The following COL9A1 variants were observed in gnomAD, a reference collection of about 807,000 sequenced individuals.
COL9A1 encodes collagen alpha-1(IX) chain.
In COL9A1, 104 loss-of-function variants were observed where a neutral mutation model predicts 142.6. That is an observed-to-expected ratio of 0.73 (90% CI 0.62 to 0.86). The LOEUF is 0.86. Ranked by LOEUF, COL9A1 falls within the 40% of genes least tolerant of loss-of-function variation. The pLI, the probability that COL9A1 is intolerant of heterozygous loss-of-function variation, is 0.00. For missense variants in COL9A1, 1,210 were observed against 1,176.6 expected (o/e 1.03, Z -0.42); for synonymous variants, 466 against 396.0 (o/e 1.18, Z -2.10).
chr6:70,266,716 C>G lies in COL9A1; in HGVS notation c.1341+1G>C. ...ATCCACTAAATACCCATTTTCCTTA[C>G]CTTGTGTCCTTGTCTTCCTGGTTCA... is the stretch of plus-strand genomic sequence containing the variant. On this transcript the variant is annotated splice_donor_variant, in intron 18 of 37. Coordinates refer to ENST00000357250, the MANE Select transcript of COL9A1 (RefSeq NM_001851.6). LOFTEE classifies it high-confidence loss of function. 1 of 1,612,132 alleles carries G rather than the reference C, an allele frequency of 6.2e-7. No individual in the cohort carries two copies. The highest frequency in any genetic ancestry group is 1.1e-5 in the South Asian group (1 of 91,018).
At chr6:70,285,600 T>A (rs1373314161) in intron 5 of COL9A1, among the ~76,000 whole-genome samples, 2 of 152,250 alleles carry the variant, frequency 1.3e-5, no homozygotes, top group East Asian at 3.8e-4. Flanking sequence ...TCAACATTTG[T>A]GATGTCCCAA....
At chr6:70,256,457 AG>A (rs1771303358) in intron 21 of COL9A1, among the ~76,000 whole-genome samples, 1 of 152,204 alleles carries the variant, frequency 6.6e-6, no homozygotes, top group Admixed American at 6.5e-5. Flanking sequence ...CAAATGGGCA[AG>A]AAAGTAGAAA....
At chr6:70,247,355 CAG>C (rs1770670278) in intron 28 of COL9A1, among the ~76,000 whole-genome samples, 1 of 152,154 alleles carries the variant, frequency 6.6e-6, no homozygotes, top group African/African-American at 2.4e-5. Flanking sequence ...CAAAAAATAA[CAG>C]ATTTAACTTA....
chr6:70,302,971 G>T lies in COL9A1; in HGVS notation c.-47C>A, dbSNP rs1426415923. 6.3e-7 allele frequency: 1 copy of T among 1,597,270 alleles called. No homozygotes were observed. Among genetic ancestry groups the T allele is most frequent in the Non-Finnish European group, 8.6e-7 (1 of 1,164,718 alleles). ...TTTGCCAACAGTCCCTATGAAGAAGGGGTTGGAAGGGAGTCACTGTCCCCT... is the reference window on the plus strand; with the variant it reads ...TTTGCCAACAGTCCCTATGAAGAAGTGGTTGGAAGGGAGTCACTGTCCCCT... On this transcript the variant is annotated 5_prime_UTR_variant, in exon 1 of 38. Coordinates refer to ENST00000357250, the MANE Select transcript of COL9A1 (RefSeq NM_001851.6).
chr6:70,283,050 C>A, intron 6 of COL9A1, 132 bp from the exon 7 acceptor site: 2 of 1,571,062 alleles, frequency 1.3e-6, no homozygotes, highest in Non-Finnish European at 8.6e-7. Flanking sequence ...CAGTCCAGGC[C>A]ATGCCCGCCG....
At chr6:70,243,637 C>T (rs945853174) in intron 28 of COL9A1, among the ~76,000 whole-genome samples, 3 of 152,138 alleles carry the variant, frequency 2.0e-5, no homozygotes, top group Admixed American at 2.0e-4. Context: ...AAGTGATTCT[C>T]CTGCCTCAGC....
intron 36 of COL9A1, among the ~76,000 whole-genome samples, chr6:70,230,048 T>C (rs963470693): frequency 1.3e-5 from 2 of 152,188 alleles, no homozygotes; most frequent in Non-Finnish European, 2.9e-5. Flanking sequence ...GCAAGATTCA[T>C]ACCATCCCTT....
chr6:70,226,207 A>G (rs1476941088), intron 36 of COL9A1, among the ~76,000 whole-genome samples, 198 bp from the exon 37 acceptor site: 1 of 152,192 alleles, frequency 6.6e-6, no homozygotes, highest in Non-Finnish European at 1.5e-5. Context: ...TCAAATTATT[A>G]TATTCATAGA....
At chr6:70,229,551 A>G (rs1436028388) in intron 36 of COL9A1, among the ~76,000 whole-genome samples, 3 of 152,204 alleles carry the variant, frequency 2.0e-5, no homozygotes, top group Non-Finnish European at 4.4e-5. Context: ...TGTTAGTCAT[A>G]ATTATGACAT....
In COL9A1 at chr6:70,254,958, C is replaced by A. The variant is rs369698214; in HGVS notation, c.1665+5G>T. The A allele has an allele frequency of 1.0e-4, 163 of 1,613,956 alleles. No individual in the cohort carries two copies. The highest frequency in any genetic ancestry group is 1.2e-4 in the Non-Finnish European group (145 of 1,179,942). On this transcript the variant is annotated splice_donor_5th_base_variant and intron_variant, in intron 24 of 37. Coordinates refer to ENST00000357250, the MANE Select transcript of COL9A1 (RefSeq NM_001851.6). The stretch of plus-strand genomic sequence containing the variant: ...CTCACTCTTGGAGTAAATTACACAG[C>A]CTACCTTTGTTCCAGGCATTCCAGG...
intron 37 of COL9A1, among the ~76,000 whole-genome samples, chr6:70,223,361 T>A (rs1037529850): frequency 2.6e-5 from 4 of 152,224 alleles, no homozygotes; most frequent in African/African-American, 7.2e-5. Flanking sequence ...AATTACCCTA[T>A]CAGAGAGATG....
intron 37 of COL9A1, among the ~76,000 whole-genome samples, chr6:70,221,793 C>T (rs377628094): frequency 1.2e-4 from 19 of 152,188 alleles, no homozygotes; most frequent in East Asian, 7.7e-4. Flanking sequence ...CTCAGAGTGA[C>T]GAGGAACTAG....
chr6:70,267,110 G>A (rs969990058), intron 17 of COL9A1, among the ~76,000 whole-genome samples: 8 of 152,070 alleles, frequency 5.3e-5, no homozygotes, highest in Admixed American at 1.3e-4. Flanking sequence ...GTCTTCTCTA[G>A]TTCCGGTAAC....
intron 37 of COL9A1, among the ~76,000 whole-genome samples, chr6:70,218,124 T>C (rs1343413464): frequency 2.0e-5 from 3 of 152,114 alleles, no homozygotes; most frequent in Non-Finnish European, 4.4e-5. Context: ...GCCTGGGCGA[T>C]AGAACAAGAC....
intron 24 of COL9A1, 83 bp from the exon 25 acceptor site, chr6:70,254,612 T>C (rs1252419145): frequency 1.4e-5 from 19 of 1,315,336 alleles, no homozygotes; most frequent in Non-Finnish European, 1.5e-5. Context: ...ACAGACGTTT[T>C]AAGTAAAAGG....
chr6:70,255,323 G>A lies in COL9A1; in HGVS notation c.1557+14C>T. The A allele has an allele frequency of 6.2e-7, 1 of 1,613,712 alleles. No individual in the cohort carries two copies. Among genetic ancestry groups the A allele is most frequent in the Non-Finnish European group, 8.5e-7 (1 of 1,179,556 alleles). ...GAAAAGCAGGAGGCTTGGAGTGACT[G>A]AATTTAAACTCACTCTATCTCCTTT... On this transcript the variant is annotated intron_variant, in intron 22 of 37. Coordinates refer to ENST00000357250, the MANE Select transcript of COL9A1 (RefSeq NM_001851.6).
chr6:70,273,774 G>A (rs1289604417), intron 12 of COL9A1, among the ~76,000 whole-genome samples: 2 of 151,960 alleles, frequency 1.3e-5, no homozygotes, highest in South Asian at 2.1e-4. Context: ...ATTGTCTGCT[G>A]GGAAATACCA....
chr6:70,224,726 G>A (rs552234190), intron 37 of COL9A1, among the ~76,000 whole-genome samples: 24 of 151,912 alleles, frequency 1.6e-4, no homozygotes, highest in African/African-American at 4.8e-4. Flanking sequence ...AAGCTTTACC[G>A]TATATTAAAA....
At chr6:70,292,747 C>T (rs767402912) in intron 5 of COL9A1, among the ~76,000 whole-genome samples, 3 of 152,128 alleles carry the variant, frequency 2.0e-5, no homozygotes, top group Non-Finnish European at 4.4e-5. Context: ...CCCCTTCACC[C>T]GTGGCCCAGA....
Sources: allele counts gnomAD v4.1 joint callset (sites outside exome capture counted in the v4.1 genomes callset), GRCh38; gene constraint gnomAD v4.1.1; transcripts MANE v1.5; gene names NCBI Gene and HGNC (gene_info 2026-07-23, HGNC 2026-07-21).